The following WWC1 variants were observed in gnomAD, a reference collection of about 807,000 sequenced individuals.
WWC1 encodes protein KIBRA.
In WWC1, 55 loss-of-function variants were observed where a neutral mutation model predicts 138.4. The observed-to-expected ratio is 0.40, with a 90% CI of 0.32 to 0.50. The LOEUF is 0.50. WWC1 is among the 20% of genes least tolerant of loss of function. The pLI is 0.72. For synonymous variants in WWC1, 524 were observed against 564.9 expected, an observed-to-expected ratio of 0.93 and a Z score of 1.03; for missense variants, 1,226 against 1,420.4, an observed-to-expected ratio of 0.86 and a Z score of 2.20.
chr5:168,424,218 T>G, intron 11 of WWC1, 150 bp downstream of exon 11: 1 of 1,060,814 alleles, frequency 9.4e-7, no homozygotes, highest in Non-Finnish European at 1.3e-6. Context: ...ATTCAGTGGA[T>G]GTTTATTAAC....
intron 19 of WWC1, among the ~76,000 whole-genome samples, chr5:168,456,735 C>T (rs1391971604): frequency 7.6e-5 from 11 of 144,988 alleles, no homozygotes; most frequent in Admixed American, 6.3e-4. Context: ...CCATTATGAA[C>T]GTGCAGTAGA....
At chr5:168,353,519 C>A (rs982178517) in intron 1 of WWC1, among the ~76,000 whole-genome samples, 1 of 152,252 alleles carries the variant, frequency 6.6e-6, no homozygotes, top group African/African-American at 2.4e-5. Context: ...CCTGCTGCCC[C>A]TCAATGGCAT....
rs149732045 is a variant in WWC1 at position 168,446,778 on chromosome 5, A to T, written c.2525+2193A>T. ...CACTAATGAAGATCAGGTGCAAAGCACATAGTAGACCCTCAATACATGGTT... is the reference window on the plus strand; with the variant it reads ...CACTAATGAAGATCAGGTGCAAAGCTCATAGTAGACCCTCAATACATGGTT... On this transcript the variant is annotated intron_variant, in intron 17 of 22. Transcript: ENST00000265293. Among the ~76,000 whole-genome samples the T allele has an allele frequency of 1.1e-4, 16 of 152,368 alleles. No homozygotes were observed. The East Asian group carries it at 3.1e-3, about 29-fold the overall frequency.
At chr5:168,388,345 A>G (rs993145875) in intron 3 of WWC1, among the ~76,000 whole-genome samples, 5 of 152,164 alleles carry the variant, frequency 3.3e-5, no homozygotes, top group Non-Finnish European at 2.9e-5. Context: ...TGTACCTTGA[A>G]TTAGAGCCTG....
rs745320250 is a variant in WWC1, at chr5:168,332,910, T to C, written c.120-38514T>C. Among the ~76,000 whole-genome samples, 27 of 152,198 alleles carry C rather than the reference T, an allele frequency of 1.8e-4. 1 individual carries two copies. Among genetic ancestry groups the C allele is most frequent in the Non-Finnish European group, 3.4e-4 (23 of 68,032 alleles). Reference sequence around the variant, plus strand: ...TTTTTGTAGAGACAGGGTTTCACCCTGTTGGCCATGGTGGTCTCAAACTCC... The same window carrying C: ...TTTTTGTAGAGACAGGGTTTCACCCCGTTGGCCATGGTGGTCTCAAACTCC... On this transcript the variant is annotated intron_variant, in intron 1 of 22. Coordinates refer to ENST00000265293, the MANE Select transcript of WWC1 (RefSeq NM_015238.3).
chr5:168,420,733 T>G (rs1388435807), intron 9 of WWC1, among the ~76,000 whole-genome samples: 2 of 152,136 alleles, frequency 1.3e-5, no homozygotes, highest in African/African-American at 4.8e-5. Context: ...CCGCACAGTC[T>G]TCCACATTTA....
At chr5:168,367,362 T>A (rs1004677371) in intron 1 of WWC1, among the ~76,000 whole-genome samples, 2 of 152,124 alleles carry the variant, frequency 1.3e-5, no homozygotes, top group South Asian at 2.1e-4. Flanking sequence ...GACGGAGTCT[T>A]GCTCTGTCCC....
chr5:168,414,185 A>G (rs1780419958), intron 8 of WWC1, 163 bp from the exon 9 acceptor site: 3 of 1,027,248 alleles, frequency 2.9e-6, no homozygotes, highest in Non-Finnish European at 4.1e-6. Flanking sequence ...AGGCACCCAC[A>G]TGTGTTTGTT....
chr5:168,399,667 C>G (rs1363581530), intron 5 of WWC1, 100 bp downstream of exon 5: 2 of 1,167,628 alleles, frequency 1.7e-6, no homozygotes, highest in African/African-American at 3.0e-5. Flanking sequence ...TTCCTCCCTT[C>G]TCAAAATGTG....
chr5:168,324,498 G>A lies in WWC1; in HGVS notation c.119+32227G>A, dbSNP rs535557924. Among the ~76,000 whole-genome samples, 8 of 152,208 alleles carry A rather than the reference G, an allele frequency of 5.3e-5. No individual in the cohort carries two copies. In the South Asian group the frequency reaches 1.0e-3, roughly 20 times the overall value. ...ATATCAGGTGGAAACTTAGATCTAC[G>A]TGAGAAATTAAAAGAGCACCAGAAA... is the stretch of plus-strand genomic sequence containing the variant. On this transcript the variant is annotated intron_variant, in intron 1 of 22. Coordinates refer to ENST00000265293, the MANE Select transcript of WWC1 (RefSeq NM_015238.3).
At chr5:168,422,133 G>T in intron 10 of WWC1, 36 bp downstream of exon 10, 1 of 1,596,640 alleles carries the variant, frequency 6.3e-7, no homozygotes, top group Non-Finnish European at 8.6e-7. Context: ...GCTCCCCTGG[G>T]CATGGCCAGA....
chr5:168,314,696 T>C (rs537234040), intron 1 of WWC1, among the ~76,000 whole-genome samples: 89 of 152,256 alleles, frequency 5.8e-4, no homozygotes, highest in African/African-American at 2.0e-3. Context: ...AGGGGGAACC[T>C]GAGCCTGGAG....
chr5:168,381,352 C>G (rs765799993), intron 2 of WWC1, among the ~76,000 whole-genome samples: 1 of 152,114 alleles, frequency 6.6e-6, no homozygotes, highest in Non-Finnish European at 1.5e-5. Context: ...ACCTAGGTGT[C>G]GCTTAGGGAA....
intron 1 of WWC1, among the ~76,000 whole-genome samples, chr5:168,294,875 C>T (rs1477555594): frequency 2.0e-5 from 3 of 152,212 alleles, no homozygotes; most frequent in African/African-American, 7.2e-5. Flanking sequence ...ATCCGCCCAC[C>T]TCAGCCTCCC....
At chr5:168,430,398 A>G (rs1053577709) in intron 14 of WWC1, among the ~76,000 whole-genome samples, 175 bp downstream of exon 14, 16 of 152,192 alleles carry the variant, frequency 1.1e-4, no homozygotes, top group African/African-American at 3.9e-4. Flanking sequence ...ATACAGGCAC[A>G]ACGGCAAGCA....
intron 3 of WWC1, among the ~76,000 whole-genome samples, chr5:168,390,385 C>T (rs903193862): frequency 6.6e-6 from 1 of 152,134 alleles, no homozygotes; most frequent in Non-Finnish European, 1.5e-5. Flanking sequence ...AATACAGTTC[C>T]TCAGCCTTGT....
Position 168,469,107 on chromosome 5 carries a change from C to T in WWC1, c.*90C>T. 4.0e-6 allele frequency: 6 copies of T among 1,517,400 alleles called. No homozygotes were observed. Among genetic ancestry groups the T allele is most frequent in the Non-Finnish European group, 5.5e-6 (6 of 1,097,542 alleles). 94.0% of individuals were successfully genotyped at this position (1,517,400 alleles called of 1,614,324 possible). On this transcript the variant is annotated 3_prime_UTR_variant, in exon 23 of 23. Transcript: ENST00000265293. ...ATTTATGTGGTGTTATATGAAGGTA[C>T]TGAGTCACAAGTCCTCTAGTGCTCT... is the stretch of plus-strand genomic sequence containing the variant.
chr5:168,435,001 G>GA (rs201145313), intron 15 of WWC1, among the ~76,000 whole-genome samples: 336 of 150,964 alleles, frequency 2.2e-3, no homozygotes, highest in African/African-American at 7.9e-3. Flanking sequence ...TGAGCAACTG[G>GA]AAAAAAAAAT....
chr5:168,395,016 T>A (rs912024693), intron 3 of WWC1, among the ~76,000 whole-genome samples: 1 of 152,248 alleles, frequency 6.6e-6, no homozygotes, highest in Non-Finnish European at 1.5e-5. Flanking sequence ...GAATTAAAGC[T>A]CCTGGTGGCC....
Sources: allele counts gnomAD v4.1 joint callset (sites outside exome capture counted in the v4.1 genomes callset), GRCh38; gene constraint gnomAD v4.1.1; transcripts MANE v1.5; gene names NCBI Gene and HGNC (gene_info 2026-07-23, HGNC 2026-07-21).